LDB2: variants seen among roughly 807,000 people sequenced by gnomAD.
LDB2 encodes the protein LIM domain binding 2, also known as LIM domain-binding protein 2.
Under a neutral mutation model 44.3 loss-of-function variants are expected in LDB2, and 12 were observed. The observed-to-expected ratio is 0.27, with a 90% CI of 0.17 to 0.44. LDB2 has a LOEUF of 0.44. Among genes scored for constraint, LDB2 ranks in the 20% least tolerant of loss-of-function variants. The pLI is 1.00. For missense variants in LDB2, 344 were observed against 473.5 expected (o/e 0.73, Z 2.54); for synonymous variants, 164 against 174.8 (o/e 0.94, Z 0.49).
chr4:16,781,597 G>A (rs777307876), intron 1 of LDB2, among the ~76,000 whole-genome samples: 1 of 152,114 alleles, frequency 6.6e-6, no homozygotes, highest in African/African-American at 2.4e-5. Context: ...ATGCTCAGTG[G>A]AGAGTCATAC....
At chr4:16,569,672 A>G (rs887700154) in intron 5 of LDB2, among the ~76,000 whole-genome samples, 24 of 151,998 alleles carry the variant, frequency 1.6e-4, no homozygotes, top group African/African-American at 1.9e-4. Flanking sequence ...CCATCCATCC[A>G]TCCATCCGTC....
intron 2 of LDB2, among the ~76,000 whole-genome samples, chr4:16,650,507 T>C (rs1737987115): frequency 1.3e-5 from 2 of 152,224 alleles, no homozygotes; most frequent in Admixed American, 1.3e-4. Flanking sequence ...TACAGTCATT[T>C]ATATAAGATT....
At chr4:16,813,881 T>G (rs1292286923) in intron 1 of LDB2, among the ~76,000 whole-genome samples, 1 of 151,726 alleles carries the variant, frequency 6.6e-6, no homozygotes, top group Non-Finnish European at 1.5e-5. Context: ...TCTTTTCTTT[T>G]TTTTTTTTTG....
intron 1 of LDB2, among the ~76,000 whole-genome samples, chr4:16,776,702 T>G (rs187472911): frequency 6.6e-6 from 1 of 152,172 alleles, no homozygotes; most frequent in Non-Finnish European, 1.5e-5. Flanking sequence ...AAAAGATGAA[T>G]GAAATATGTC....
chr4:16,652,109 C>G (rs1048921733), intron 2 of LDB2, among the ~76,000 whole-genome samples: 3 of 152,052 alleles, frequency 2.0e-5, no homozygotes, highest in Admixed American at 2.0e-4. Context: ...CGCCACCACA[C>G]CCAGATAATT....
chr4:16,556,511 A>C (rs943459334), intron 5 of LDB2, among the ~76,000 whole-genome samples: 23 of 152,368 alleles, frequency 1.5e-4, no homozygotes, highest in African/African-American at 5.0e-4. Flanking sequence ...TCTAATAATC[A>C]GCATGTTAAG....
chr4:16,600,710 C>T (rs1168678757), intron 2 of LDB2, among the ~76,000 whole-genome samples: 1 of 152,100 alleles, frequency 6.6e-6, no homozygotes, highest in Non-Finnish European at 1.5e-5. Flanking sequence ...ACATCCATCC[C>T]TACTCCCCAG....
rs558351707 is a variant in LDB2, at chr4:16,564,406, C to T, written c.615+21516G>A. On this transcript the variant is annotated intron_variant, in intron 5 of 7. Transcript: ENST00000304523. ...AACAATCAAAAAATACAGCTCAATG[C>T]CTCCTTCCATTTAACCACCCATGCA... Among the ~76,000 whole-genome samples, 4 of 152,188 alleles carry T rather than the reference C, an allele frequency of 2.6e-5. No homozygotes were observed. The South Asian group carries it at 8.3e-4, about 32-fold the overall frequency.
intron 1 of LDB2, among the ~76,000 whole-genome samples, chr4:16,870,616 C>T (rs1716260292): frequency 6.7e-6 from 1 of 148,178 alleles, no homozygotes; most frequent in African/African-American, 2.5e-5. Flanking sequence ...ACACTCACTT[C>T]CTTGCATTCT....
chr4:16,518,961 C>G (rs1327134061), intron 5 of LDB2, among the ~76,000 whole-genome samples: 2 of 152,190 alleles, frequency 1.3e-5, no homozygotes, highest in Non-Finnish European at 2.9e-5. Flanking sequence ...AGGTCCAGCT[C>G]AAATCCCACC....
intron 5 of LDB2, among the ~76,000 whole-genome samples, chr4:16,577,774 A>T (rs1242289895): frequency 6.6e-6 from 1 of 152,148 alleles, no homozygotes; most frequent in Non-Finnish European, 1.5e-5. Context: ...GTTATCCTGA[A>T]CAAAAGGAGC....
chr4:16,685,877 C>T (rs902810910), intron 2 of LDB2, among the ~76,000 whole-genome samples: 1 of 151,954 alleles, frequency 6.6e-6, no homozygotes, highest in Non-Finnish European at 1.5e-5. Flanking sequence ...AGCGAAATCC[C>T]GTCTCTACTA....
At chr4:16,897,936 A>G (rs1434579753) in intron 1 of LDB2, among the ~76,000 whole-genome samples, 10 of 16,388 alleles carry the variant, frequency 6.1e-4, no homozygotes, top group Admixed American at 4.3e-3. Flanking sequence ...ATATATATAT[A>G]TACACATATG....
rs913295411 is a variant in LDB2, at chr4:16,822,175, A to G, written c.133-62915T>C. ...CTTGCCTATGTACAGCTCAGCTGCT[A>G]TCTGTGTCTAGGGTCTGCCACCATG... On this transcript the variant is annotated intron_variant, in intron 1 of 7. Transcript: ENST00000304523. Among the ~76,000 whole-genome samples the G allele has an allele frequency of 2.6e-5, 4 of 152,218 alleles. No homozygotes were observed. The East Asian group carries it at 7.7e-4, about 29-fold the overall frequency.
intron 1 of LDB2, among the ~76,000 whole-genome samples, chr4:16,766,100 T>A (rs1466678491): frequency 2.6e-5 from 4 of 152,192 alleles, no homozygotes; most frequent in African/African-American, 9.6e-5. Context: ...TCTAAAGTAA[T>A]TAAATGTTAC....
At chr4:16,646,418 A>G (rs1218899293) in intron 2 of LDB2, among the ~76,000 whole-genome samples, 1 of 152,212 alleles carries the variant, frequency 6.6e-6, no homozygotes, top group Non-Finnish European at 1.5e-5. Context: ...GCCATGTGAC[A>G]TTGCAAACAT....
chr4:16,632,856 G>A (rs13115433), intron 2 of LDB2, among the ~76,000 whole-genome samples: 16,924 of 152,076 alleles, frequency 0.11, 1,387 homozygotes, highest in African/African-American at 0.22. Flanking sequence ...AAATTAGTTC[G>A]ACCATTGTGG....
At chr4:16,618,694 A>G (rs1030879876) in intron 2 of LDB2, among the ~76,000 whole-genome samples, 3 of 152,208 alleles carry the variant, frequency 2.0e-5, no homozygotes, top group Admixed American at 6.5e-5. Flanking sequence ...GCAGTGTTCC[A>G]TAGCCTCCAG....
intron 2 of LDB2, among the ~76,000 whole-genome samples, chr4:16,632,840 G>T (rs1020573244): frequency 6.6e-6 from 1 of 152,186 alleles, no homozygotes; most frequent in Non-Finnish European, 1.5e-5. Flanking sequence ...CTGTTGGTGG[G>T]AGTGTAAATT....
Sources: gnomAD v4.1 joint callset for allele counts (sites outside exome capture counted in the v4.1 genomes callset) on GRCh38, gnomAD v4.1.1 for gene constraint, MANE v1.5 for transcripts, NCBI Gene and HGNC (gene_info 2026-07-23, HGNC 2026-07-21) for gene names.